PRKCE: variants seen among roughly 807,000 people sequenced by gnomAD.
PRKCE encodes the protein protein kinase C epsilon.
PRKCE carries 16 observed loss-of-function variants against 85.4 expected under a neutral mutation model. The observed-to-expected ratio is 0.19, with a 90% confidence interval of 0.13 to 0.28. The LOEUF (loss-of-function observed/expected upper bound fraction) is 0.28. Ranked by LOEUF, PRKCE falls within the 10% of genes least tolerant of loss-of-function variation. The pLI is 1.00. For missense variants in PRKCE, 573 were observed against 975.2 expected (o/e 0.59, Z 5.49); for synonymous variants, 388 against 371.5 (o/e 1.04, Z -0.51).
At chr2:46,162,855 G>A (rs1466984957) in intron 14 of PRKCE, among the ~76,000 whole-genome samples, 1 of 152,164 alleles carries the variant, frequency 6.6e-6, no homozygotes, top group Non-Finnish European at 1.5e-5. Flanking sequence ...TAGCAGGTTG[G>A]AAAAGTGACC....
intron 1 of PRKCE, among the ~76,000 whole-genome samples, chr2:45,685,912 C>A (rs376183857): frequency 6.6e-5 from 10 of 152,240 alleles, no homozygotes; most frequent in African/African-American, 2.4e-4. Flanking sequence ...CGGATAGAAC[C>A]CTGACTATTC....
intron 1 of PRKCE, among the ~76,000 whole-genome samples, chr2:45,691,999 TTAA>T (rs1231770857): frequency 4.6e-5 from 7 of 152,198 alleles, no homozygotes; most frequent in African/African-American, 1.7e-4. Context: ...AGTTTCAGTG[TTAA>T]TAATAACAGT....
Position 45,791,363 on chromosome 2 carries a change from G to A in PRKCE, c.349-51637G>A, listed in dbSNP as rs529219671. ...CAGTGGGGAAAGCTATAGTGAGCAC[G>A]TGGGGGTCCTGGTCCAGAGTCCCTT... On this transcript the variant is annotated intron_variant, in intron 1 of 14. Transcript: ENST00000306156. Among the ~76,000 whole-genome samples the A allele has an allele frequency of 2.2e-4, 33 of 152,290 alleles. No homozygotes were observed. The South Asian group carries it at 5.8e-3, about 27-fold the overall frequency.
At chr2:46,048,572 G>A (rs749039191) in intron 10 of PRKCE, among the ~76,000 whole-genome samples, 7 of 152,130 alleles carry the variant, frequency 4.6e-5, no homozygotes, top group African/African-American at 1.2e-4. Flanking sequence ...GCCCAGTGTC[G>A]GGGTCTGTCC....
intron 11 of PRKCE, among the ~76,000 whole-genome samples, chr2:46,094,633 G>C (rs55802935): frequency 0.16 from 24,017 of 151,326 alleles, 2,092 homozygotes; most frequent in Middle Eastern, 0.27. Flanking sequence ...GTCGGGGATG[G>C]GGTTGGGAGG....
At chr2:46,066,797 G>A (rs538465122) in intron 10 of PRKCE, among the ~76,000 whole-genome samples, 55 of 152,204 alleles carry the variant, frequency 3.6e-4, no homozygotes, top group African/African-American at 1.2e-3. Flanking sequence ...TCTTTGGGGT[G>A]GTGGGAAGTC....
chr2:46,060,744 C>CTTTTTTTTT (rs112560158), intron 10 of PRKCE, among the ~76,000 whole-genome samples: 6 of 140,126 alleles, frequency 4.3e-5, no homozygotes, highest in African/African-American at 1.3e-4. Context: ...TTTCTCTCTC[C>CTTTTTTTTT]TTTTTTTTTT....
At chr2:45,903,447 G>A (rs1696719232) in intron 2 of PRKCE, among the ~76,000 whole-genome samples, 1 of 152,182 alleles carries the variant, frequency 6.6e-6, no homozygotes, top group African/African-American at 2.4e-5. Flanking sequence ...GCAGCAGCTG[G>A]GGCTGTGAGG....
intron 2 of PRKCE, among the ~76,000 whole-genome samples, chr2:45,974,288 C>T (rs1702292486): frequency 6.6e-6 from 1 of 152,232 alleles, no homozygotes; most frequent in Admixed American, 6.5e-5. Flanking sequence ...TAGAACAGAC[C>T]TGGGTCCTCC....
intron 2 of PRKCE, among the ~76,000 whole-genome samples, chr2:45,932,812 C>T (rs540929859): frequency 7.2e-5 from 11 of 152,162 alleles, no homozygotes; most frequent in African/African-American, 2.2e-4. Context: ...CCCGGGCAAT[C>T]GTCATGCTAC....
rs143252578 is a variant in PRKCE at position 45,785,253 on chromosome 2, G to C, written c.349-57747G>C. Among the ~76,000 whole-genome samples the C allele has an allele frequency of 3.3e-5, 5 of 152,312 alleles. No individual in the cohort carries two copies. The East Asian group carries it at 9.6e-4, about 29-fold the overall frequency. On this transcript the variant is annotated intron_variant, in intron 1 of 14. Coordinates refer to ENST00000306156, the MANE Select transcript of PRKCE (RefSeq NM_005400.3). ...CACCTTTAATTCCAGCACTTTGGGA[G>C]GCTGAGGCGGGCAGATCACTTGAGG...
intron 2 of PRKCE, among the ~76,000 whole-genome samples, chr2:45,918,144 G>C (rs958752526): frequency 6.6e-6 from 1 of 152,222 alleles, no homozygotes; most frequent in African/African-American, 2.4e-5. Flanking sequence ...TGGGCTGAAG[G>C]GCTCCTCAAA....
At chr2:45,699,667 C>G (rs1046796710) in intron 1 of PRKCE, among the ~76,000 whole-genome samples, 1 of 152,168 alleles carries the variant, frequency 6.6e-6, no homozygotes, top group African/African-American at 2.4e-5. Flanking sequence ...CCAAGGAAAC[C>G]AGTCTTGTTT....
At chr2:46,169,812 T>C (rs1678713890) in intron 14 of PRKCE, among the ~76,000 whole-genome samples, 1 of 151,996 alleles carries the variant, frequency 6.6e-6, no homozygotes, top group African/African-American at 2.4e-5. Context: ...ACCAAATAAT[T>C]GAGAAGACAG....
intron 2 of PRKCE, among the ~76,000 whole-genome samples, chr2:45,888,667 G>A (rs1457488879): frequency 6.6e-6 from 1 of 152,030 alleles, no homozygotes; most frequent in Non-Finnish European, 1.5e-5. Context: ...GGCCAGGCTG[G>A]TTTCGAACTC....
intron 14 of PRKCE, among the ~76,000 whole-genome samples, chr2:46,178,042 C>T (rs914987473): frequency 3.3e-5 from 5 of 152,104 alleles, no homozygotes; most frequent in Admixed American, 1.3e-4. Context: ...GGTGGGTCAC[C>T]AGAGGTCAGG....
chr2:46,156,764 A>G (rs946804353), intron 13 of PRKCE, among the ~76,000 whole-genome samples: 1 of 152,088 alleles, frequency 6.6e-6, no homozygotes, highest in Non-Finnish European at 1.5e-5. Flanking sequence ...ATATTTCATT[A>G]TTTGCTTGCT....
chr2:45,783,160 T>A (rs1054600789), intron 1 of PRKCE, among the ~76,000 whole-genome samples: 1 of 152,194 alleles, frequency 6.6e-6, no homozygotes, highest in Non-Finnish European at 1.5e-5. Flanking sequence ...TGTTTGTTTA[T>A]TTTCAATTGA....
chr2:45,872,490 A>C (rs1194753680), intron 2 of PRKCE, among the ~76,000 whole-genome samples: 1 of 152,218 alleles, frequency 6.6e-6, no homozygotes, highest in African/African-American at 2.4e-5. Flanking sequence ...GTTTAACAGC[A>C]TCATTCTGGC....
Sources: gnomAD v4.1 joint callset for allele counts (sites outside exome capture counted in the v4.1 genomes callset) on GRCh38, gnomAD v4.1.1 for gene constraint, MANE v1.5 for transcripts, NCBI Gene and HGNC (gene_info 2026-07-23, HGNC 2026-07-21) for gene names.